Variants in TENM3 observed in about 807,000 individuals in gnomAD.
The protein encoded by TENM3 is teneurin transmembrane protein 3.
Under a neutral mutation model 255.1 loss-of-function variants are expected in TENM3, and 63 were observed. The observed-to-expected ratio is 0.25, with a 90% CI of 0.20 to 0.30. TENM3 has a LOEUF of 0.30. Ranked by LOEUF, TENM3 falls within the 10% of genes least tolerant of loss-of-function variation. TENM3 has a pLI of 1.00. For synonymous variants in TENM3, 1,306 were observed against 1,322.3 expected (o/e 0.99, Z 0.27); for missense variants, 2,929 against 3,461.1 (o/e 0.85, Z 3.86).
At chr4:182,595,627 G>C (rs1387926845) in intron 3 of TENM3, among the ~76,000 whole-genome samples, 1 of 152,120 alleles carries the variant, frequency 6.6e-6, no homozygotes, top group African/African-American at 2.4e-5. Flanking sequence ...GTGGGACCTT[G>C]ATAAAGGAAA....
chr4:181,910,652 G>A, the TENM3 span, among the ~76,000 whole-genome samples: 1,044 of 149,972 alleles, frequency 7.0e-3, 17 homozygotes, highest in African/African-American at 0.025. Context: ...GTGTGTGTGT[G>A]TGTATTTTAG....
At chr4:181,628,401 C>T in the TENM3 span, among the ~76,000 whole-genome samples, 1 of 152,174 alleles carries the variant, frequency 6.6e-6, no homozygotes, top group Admixed American at 6.5e-5. Context: ...GACATGAAGT[C>T]CTTGCCCATG....
At chr4:181,917,333 C>A in the TENM3 span, among the ~76,000 whole-genome samples, 1 of 152,176 alleles carries the variant, frequency 6.6e-6, no homozygotes, top group African/African-American at 2.4e-5. Context: ...AGTAGCACTA[C>A]CCCAGTTATC....
the TENM3 span, among the ~76,000 whole-genome samples, chr4:181,676,150 A>C: frequency 6.6e-6 from 1 of 152,120 alleles, no homozygotes; most frequent in Non-Finnish European, 1.5e-5. Flanking sequence ...TGAGCTTCAA[A>C]ATGCGCTGTT....
intron 24 of TENM3, among the ~76,000 whole-genome samples, chr4:182,786,567 A>G (rs1459504471): frequency 2.0e-5 from 3 of 151,802 alleles, no homozygotes; most frequent in African/African-American, 7.3e-5. Flanking sequence ...AAAAAAAAAA[A>G]AAAAAAAGAA....
At chr4:181,699,261 T>C in the TENM3 span, among the ~76,000 whole-genome samples, 69 of 151,142 alleles carry the variant, frequency 4.6e-4, no homozygotes, top group Admixed American at 3.6e-3. Flanking sequence ...CAAGACTCTA[T>C]CTCTAGAAAA....
the TENM3 span, among the ~76,000 whole-genome samples, chr4:181,839,656 C>G: frequency 1.3e-5 from 2 of 150,720 alleles, no homozygotes; most frequent in Non-Finnish European, 3.0e-5. Flanking sequence ...AATTTTAGAT[C>G]GAGAAGTTTG....
intron 4 of TENM3, among the ~76,000 whole-genome samples, chr4:182,616,471 A>AT (rs1308561346): frequency 7.0e-6 from 1 of 142,996 alleles, no homozygotes; most frequent in Non-Finnish European, 1.5e-5. Context: ...ATGTGTACAT[A>AT]TGTAACTAAC....
chr4:182,306,750 C>T (rs1364790481), intron 1 of TENM3, among the ~76,000 whole-genome samples: 1 of 152,112 alleles, frequency 6.6e-6, no homozygotes, highest in Non-Finnish European at 1.5e-5. Context: ...GTTGTACATA[C>T]TAGAAAGGTT....
At chr4:181,524,524 T>A in the TENM3 span, among the ~76,000 whole-genome samples, 7 of 152,210 alleles carry the variant, frequency 4.6e-5, no homozygotes, top group Non-Finnish European at 7.3e-5. Context: ...TTTTATGCAT[T>A]AAATTTACTT....
chr4:182,160,814 G>C (rs1371848495), intron 1 of TENM3, among the ~76,000 whole-genome samples: 2 of 152,162 alleles, frequency 1.3e-5, no homozygotes, highest in African/African-American at 4.8e-5. Flanking sequence ...AGAGCTATAA[G>C]AGAGGAGTTT....
At chr4:181,965,055 C>G in the TENM3 span, among the ~76,000 whole-genome samples, 6 of 152,170 alleles carry the variant, frequency 3.9e-5, no homozygotes, top group Admixed American at 3.9e-4. Context: ...CTAAAAAATC[C>G]TAAATTTTCT....
At chr4:181,478,102 A>G in the TENM3 span, among the ~76,000 whole-genome samples, 1 of 152,226 alleles carries the variant, frequency 6.6e-6, no homozygotes, top group Non-Finnish European at 1.5e-5. Context: ...AATTATCCTT[A>G]ATGGGACAGA....
the TENM3 span, among the ~76,000 whole-genome samples, chr4:181,873,160 C>A: frequency 6.6e-6 from 1 of 151,982 alleles, no homozygotes; most frequent in Non-Finnish European, 1.5e-5. Context: ...CTCCAACTCC[C>A]GGGTTCAAGC....
intron 3 of TENM3, among the ~76,000 whole-genome samples, chr4:182,387,122 C>T (rs141644138): frequency 0.051 from 7,714 of 151,896 alleles, 209 homozygotes; most frequent in South Asian, 0.11. Flanking sequence ...CAACCGACAC[C>T]CTGTATCTAG....
At chr4:182,307,050 T>C (rs1762177718) in intron 1 of TENM3, among the ~76,000 whole-genome samples, 1 of 152,182 alleles carries the variant, frequency 6.6e-6, no homozygotes, top group South Asian at 2.1e-4. Context: ...TCCAATGAAA[T>C]GTGGCTATTT....
At chr4:181,947,633 C>T in the TENM3 span, among the ~76,000 whole-genome samples, 2 of 151,850 alleles carry the variant, frequency 1.3e-5, no homozygotes, top group South Asian at 4.2e-4. Context: ...AAATTCAGTT[C>T]ATAAATAAAA....
At chr4:181,644,093 A>T in the TENM3 span, among the ~76,000 whole-genome samples, 9 of 151,514 alleles carry the variant, frequency 5.9e-5, no homozygotes, top group Non-Finnish European at 1.2e-4. Flanking sequence ...AAAAAAAAAA[A>T]AGTCAAGGGT....
the TENM3 span, among the ~76,000 whole-genome samples, chr4:181,819,043 C>A: frequency 6.6e-6 from 1 of 152,190 alleles, no homozygotes; most frequent in Non-Finnish European, 1.5e-5. Context: ...TTGCCATCCA[C>A]CTGCCTCTGG....
Sources: gnomAD v4.1 joint callset for allele counts (sites outside exome capture counted in the v4.1 genomes callset) on GRCh38, gnomAD v4.1.1 for gene constraint, MANE v1.5 for transcripts, NCBI Gene and HGNC (gene_info 2026-07-23, HGNC 2026-07-21) for gene names.